Variants in GRIK4 observed in about 807,000 individuals in gnomAD.
GRIK4 encodes the protein glutamate ionotropic receptor kainate type subunit 4, also known as glutamate receptor ionotropic, kainate 4.
In GRIK4, 40 loss-of-function variants were observed where a neutral mutation model predicts 104.9. That is an observed-to-expected ratio of 0.38 (90% CI 0.30 to 0.50). The LOEUF is 0.50. Among genes scored for constraint, GRIK4 ranks in the 20% least tolerant of loss-of-function variants. The pLI is 0.93. For synonymous variants in GRIK4, 485 were observed against 524.9 expected, an observed-to-expected ratio of 0.92 and a Z score of 1.04; for missense variants, 1,047 against 1,308.1, an observed-to-expected ratio of 0.80 and a Z score of 3.08.
At position 120,819,293 on chromosome 11, in the gene GRIK4, TG is replaced by T. The variant is rs1211423699; in HGVS notation, c.346-459del. On this transcript the variant is annotated intron_variant, in intron 5 of 20. Transcript: ENST00000527524. This position sits in a 1 kb window ranked among gnomAD's most constrained non-coding sequence, Gnocchi z 4.3. Reference sequence around the variant, plus strand: ...GTTACTATACACCTGTTGGCTGGGCTGGGCTGATGGGACTCTTCTCTTAGTC... The same window carrying T: ...GTTACTATACACCTGTTGGCTGGGCTGGCTGATGGGACTCTTCTCTTAGTC... Among the ~76,000 whole-genome samples, 3 of 152,218 alleles carry T rather than the reference TG, an allele frequency of 2.0e-5. No homozygotes were observed. The highest frequency in any genetic ancestry group is 4.4e-5 in the Non-Finnish European group (3 of 68,038).
chr11:120,728,426 A>G (rs1369368215), intron 3 of GRIK4, among the ~76,000 whole-genome samples: 1 of 152,214 alleles, frequency 6.6e-6, no homozygotes, highest in Non-Finnish European at 1.5e-5. Context: ...CTGCTAACGA[A>G]TGAATTTCAG....
chr11:120,629,011 G>A (rs1370945702), intron 1 of GRIK4, among the ~76,000 whole-genome samples: 2 of 152,196 alleles, frequency 1.3e-5, no homozygotes, highest in Non-Finnish European at 2.9e-5. Flanking sequence ...AATCACCACC[G>A]AGCAAGGCGG....
rs367886744 is a variant in GRIK4, at chr11:120,638,767, G to A, written c.-158-14918G>A. ...GCTGGGATTACAGGCGTGAGCCACC[G>A]CGCCTGGCCCAGTGATATCTTCTAA... On this transcript the variant is annotated intron_variant, in intron 1 of 20. Transcript: ENST00000527524. Among the ~76,000 whole-genome samples the A allele has an allele frequency of 3.2e-4, 49 of 151,320 alleles. 1 individual carries two copies. The South Asian group carries it at 9.8e-3, about 30-fold the overall frequency.
chr11:120,786,653 A>T (rs1049206125), intron 3 of GRIK4, among the ~76,000 whole-genome samples: 1 of 152,206 alleles, frequency 6.6e-6, no homozygotes, highest in African/African-American at 2.4e-5. Flanking sequence ...GGGTCCAAAC[A>T]GAAATGCATG....
intron 1 of GRIK4, among the ~76,000 whole-genome samples, chr11:120,527,802 A>G (rs1307583931): frequency 6.6e-6 from 1 of 152,186 alleles, no homozygotes; most frequent in Non-Finnish European, 1.5e-5. Context: ...GGGGAAAAAG[A>G]GGGCCTGGTG....
At chr11:120,707,231 G>A (rs61901379) in intron 3 of GRIK4, among the ~76,000 whole-genome samples, 37,713 of 152,054 alleles carry the variant, frequency 0.25, 6,380 homozygotes, top group African/African-American at 0.48. Context: ...CATGAGTCAG[G>A]ACCACACACT....
intron 3 of GRIK4, among the ~76,000 whole-genome samples, chr11:120,794,048 G>T (rs886222112): frequency 1.3e-5 from 2 of 149,980 alleles, no homozygotes; most frequent in Admixed American, 1.3e-4. Context: ...GAGGTGAGGG[G>T]CAGTGTTAGG....
At position 120,712,227 on chromosome 11, in the gene GRIK4, G is replaced by A. The variant is rs984699033; in HGVS notation, c.82+51827G>A. On this transcript the variant is annotated intron_variant, in intron 3 of 20. Transcript: ENST00000527524. Reference sequence around the variant, plus strand: ...AGTGGAAGGCTTCTCAGAGGTGATGGAGAAGCCAGGTCCTGATGTCCAGCC... The same window carrying A: ...AGTGGAAGGCTTCTCAGAGGTGATGAAGAAGCCAGGTCCTGATGTCCAGCC... Among the ~76,000 whole-genome samples, 3 of 152,180 alleles carry A rather than the reference G, an allele frequency of 2.0e-5. No homozygotes were observed. The East Asian group carries it at 5.8e-4, about 29-fold the overall frequency.
chr11:120,678,854 C>T (rs1434243251), intron 3 of GRIK4, among the ~76,000 whole-genome samples: 1 of 151,776 alleles, frequency 6.6e-6, no homozygotes, highest in African/African-American at 2.4e-5. Context: ...AGGCTGGTCT[C>T]GAACTCCCGA....
chr11:120,671,104 G>C (rs1950010065), intron 3 of GRIK4, among the ~76,000 whole-genome samples: 5 of 152,146 alleles, frequency 3.3e-5, no homozygotes, highest in Admixed American at 3.3e-4. Context: ...GTCTATCACT[G>C]ATGGGCATTT....
intron 5 of GRIK4, 55 bp downstream of exon 5, chr11:120,815,530 T>A (rs1011698015): frequency 9.3e-7 from 1 of 1,074,376 alleles, no homozygotes; most frequent in African/African-American, 1.6e-5. Flanking sequence ...GTGCCCAGGG[T>A]CCAAAGATAG....
intron 1 of GRIK4, among the ~76,000 whole-genome samples, chr11:120,553,215 G>A (rs1324732796): frequency 6.6e-6 from 1 of 152,204 alleles, no homozygotes. Context: ...GAGTGACAAG[G>A]AACAGGGCCA....
intron 3 of GRIK4, among the ~76,000 whole-genome samples, chr11:120,786,967 G>C (rs1210503210): frequency 6.6e-6 from 1 of 152,152 alleles, no homozygotes; most frequent in African/African-American, 2.4e-5. Context: ...TGAAGTTCTG[G>C]TATGAAAACA....
intron 1 of GRIK4, among the ~76,000 whole-genome samples, chr11:120,547,962 C>T (rs761687845): frequency 3.9e-4 from 59 of 152,196 alleles, no homozygotes; most frequent in Non-Finnish European, 3.4e-4. Context: ...CGGAGCTGCC[C>T]GGCCTGTGAC....
intron 14 of GRIK4, among the ~76,000 whole-genome samples, chr11:120,948,813 G>A (rs1943928551): frequency 6.6e-6 from 1 of 152,196 alleles, no homozygotes; most frequent in African/African-American, 2.4e-5. Context: ...CAGAAGGAGA[G>A]TGAACATACA....
At chr11:120,796,489 T>C (rs1309358740) in intron 3 of GRIK4, among the ~76,000 whole-genome samples, 2 of 152,020 alleles carry the variant, frequency 1.3e-5, no homozygotes, top group Non-Finnish European at 2.9e-5. Flanking sequence ...ATAGTCTGTT[T>C]GAGTGGTGGG....
chr11:120,542,202 A>G (rs765380026), intron 1 of GRIK4, among the ~76,000 whole-genome samples: 2 of 152,254 alleles, frequency 1.3e-5, no homozygotes, highest in Admixed American at 1.3e-4. Flanking sequence ...TACACAGTGA[A>G]GAAGGACAGT....
intron 19 of GRIK4, among the ~76,000 whole-genome samples, chr11:120,975,293 T>G (rs561942092): frequency 4.6e-5 from 7 of 152,256 alleles, no homozygotes; most frequent in African/African-American, 1.4e-4. Flanking sequence ...TCTCTCTTTC[T>G]TCTCATGGGA....
chr11:120,876,057 G>A (rs1367797777), intron 11 of GRIK4, among the ~76,000 whole-genome samples: 2 of 151,786 alleles, frequency 1.3e-5, no homozygotes, highest in East Asian at 3.9e-4. Flanking sequence ...CTGAACAAGG[G>A]AGCACACCAC....
Sources: allele counts gnomAD v4.1 joint callset (sites outside exome capture counted in the v4.1 genomes callset), GRCh38; gene constraint gnomAD v4.1.1; non-coding constraint Gnocchi (gnomAD v3.1); transcripts MANE v1.5; gene names NCBI Gene and HGNC (gene_info 2026-07-23, HGNC 2026-07-21).